ZNF407: variants seen among roughly 807,000 people sequenced by gnomAD.
ZNF407 encodes zinc finger protein 407.
A neutral mutation model predicts 131.2 loss-of-function variants in ZNF407; 17 were observed. That is an observed-to-expected ratio of 0.13 (90% CI 0.09 to 0.19). ZNF407 has a LOEUF of 0.19. Among genes scored for constraint, ZNF407 ranks in the 10% least tolerant of loss-of-function variants. ZNF407 has a pLI of 1.00. For synonymous variants in ZNF407, 1,156 were observed against 1,062.0 expected, an observed-to-expected ratio of 1.09 and a Z score of -1.72; for missense variants, 2,681 against 2,830.6, an observed-to-expected ratio of 0.95 and a Z score of 1.20.
At chr18:74,813,118 T>A (rs1213078161) in intron 4 of ZNF407, among the ~76,000 whole-genome samples, 1 of 152,204 alleles carries the variant, frequency 6.6e-6, no homozygotes, top group Non-Finnish European at 1.5e-5. Context: ...GATGGCCCTT[T>A]TCTCTGTTAG....
chr18:74,937,666 A>C (rs1461549569), intron 8 of ZNF407, among the ~76,000 whole-genome samples: 1 of 152,198 alleles, frequency 6.6e-6, no homozygotes, highest in Non-Finnish European at 1.5e-5. Flanking sequence ...GAATGAATTC[A>C]GTTTTATGTA....
chr18:74,728,983 C>CT (rs994960005), intron 3 of ZNF407, among the ~76,000 whole-genome samples: 2 of 152,260 alleles, frequency 1.3e-5, no homozygotes, highest in South Asian at 2.1e-4. Flanking sequence ...GCTGCTGTGA[C>CT]TTTTTTTCTC....
chr18:74,837,483 C>A (rs1202355491), intron 4 of ZNF407, among the ~76,000 whole-genome samples: 1 of 151,380 alleles, frequency 6.6e-6, no homozygotes, highest in African/African-American at 2.4e-5. Flanking sequence ...GTTATTGTTA[C>A]ATTAAAGCAA....
chr18:75,009,190 A>G (rs903249133), intron 8 of ZNF407, among the ~76,000 whole-genome samples: 4 of 152,158 alleles, frequency 2.6e-5, no homozygotes, highest in Non-Finnish European at 1.5e-5. Flanking sequence ...AAGTCTTTAA[A>G]CCAGCTTTTC....
At chr18:74,996,647 G>A (rs900368306) in intron 8 of ZNF407, among the ~76,000 whole-genome samples, 3 of 152,222 alleles carry the variant, frequency 2.0e-5, no homozygotes, top group Admixed American at 2.0e-4. Flanking sequence ...TGAAGAAAAT[G>A]TGAGGTTCCG....
At chr18:74,771,744 T>G (rs983042173) in intron 3 of ZNF407, among the ~76,000 whole-genome samples, 6 of 152,078 alleles carry the variant, frequency 3.9e-5, no homozygotes, top group Admixed American at 2.6e-4. Flanking sequence ...GATAACTGAT[T>G]GTGTGGTATT....
intron 3 of ZNF407, among the ~76,000 whole-genome samples, chr18:74,653,616 G>A (rs1985322632): frequency 6.6e-6 from 1 of 151,676 alleles, no homozygotes; most frequent in South Asian, 2.1e-4. Flanking sequence ...GTATCGATAT[G>A]CTTATATTTA....
At chr18:74,900,953 T>C (rs1194358932) in intron 7 of ZNF407, among the ~76,000 whole-genome samples, 1 of 152,174 alleles carries the variant, frequency 6.6e-6, no homozygotes, top group Non-Finnish European at 1.5e-5. Context: ...TGTAATTCTC[T>C]TGGAGTGTGT....
intron 1 of ZNF407, among the ~76,000 whole-genome samples, chr18:74,627,107 G>A (rs188843495): frequency 1.3e-5 from 2 of 152,306 alleles, no homozygotes; most frequent in South Asian, 2.1e-4. Flanking sequence ...GTCCTTTGGT[G>A]TCTGATGTCG....
intron 7 of ZNF407, among the ~76,000 whole-genome samples, chr18:74,904,735 G>A (rs1217623373): frequency 6.6e-6 from 1 of 152,172 alleles, no homozygotes; most frequent in Admixed American, 6.5e-5. Flanking sequence ...AGGAATGTGG[G>A]AAACATGAAA....
chr18:74,718,160 A>G (rs1967940541), intron 3 of ZNF407, among the ~76,000 whole-genome samples: 1 of 152,084 alleles, frequency 6.6e-6, no homozygotes. Context: ...AATACAGATA[A>G]AAGAACGTTC....
At chr18:74,640,867 T>C (rs1984681335) in intron 2 of ZNF407, 141 bp from the exon 3 acceptor site, 1 of 631,850 alleles carries the variant, frequency 1.6e-6, no homozygotes, top group African/African-American at 1.8e-5. Flanking sequence ...ATTCAAGTTA[T>C]AAATGAATGC....
At position 75,009,789 on chromosome 18, in the gene ZNF407, C is replaced by G. The variant is rs559316315; in HGVS notation, c.5429-53361C>G. Reference sequence around the variant, plus strand: ...TACAGAGCCTGGATTTGAACCTATTCAGGTTGATTCCAGAACCCAAGTCTT... The same window carrying G: ...TACAGAGCCTGGATTTGAACCTATTGAGGTTGATTCCAGAACCCAAGTCTT... On this transcript the variant is annotated intron_variant, in intron 8 of 8. Transcript: ENST00000299687. Among the ~76,000 whole-genome samples the G allele has an allele frequency of 7.2e-5, 11 of 152,284 alleles. No homozygotes were observed. The South Asian group carries it at 2.3e-3, about 32-fold the overall frequency.
At chr18:74,700,114 A>T (rs2144818951) in intron 3 of ZNF407, among the ~76,000 whole-genome samples, 1 of 152,334 alleles carries the variant, frequency 6.6e-6, no homozygotes, top group South Asian at 2.1e-4. Flanking sequence ...TTGGATAGTA[A>T]ACTATGTTTC....
intron 3 of ZNF407, among the ~76,000 whole-genome samples, chr18:74,753,518 G>A (rs1968855852): frequency 6.6e-6 from 1 of 152,114 alleles, no homozygotes. Flanking sequence ...CTTATTATTT[G>A]GGAGACGTCC....
chr18:74,838,706 G>GT (rs998898825), intron 4 of ZNF407, among the ~76,000 whole-genome samples: 1 of 152,070 alleles, frequency 6.6e-6, no homozygotes, highest in Non-Finnish European at 1.5e-5. Context: ...ATAAAGCATA[G>GT]TTTTTTCCAC....
At chr18:74,793,243 T>C (rs1418361666) in intron 4 of ZNF407, among the ~76,000 whole-genome samples, 1 of 152,168 alleles carries the variant, frequency 6.6e-6, no homozygotes, top group Non-Finnish European at 1.5e-5. Flanking sequence ...AGATAAATAA[T>C]AACAAATATT....
chr18:74,681,856 G>GC (rs1966991165), intron 3 of ZNF407, among the ~76,000 whole-genome samples: 1 of 151,922 alleles, frequency 6.6e-6, no homozygotes, highest in African/African-American at 2.4e-5. Context: ...TCATTTAATG[G>GC]CATTGTTAGT....
intron 8 of ZNF407, among the ~76,000 whole-genome samples, chr18:75,000,410 G>C (rs1321382248): frequency 4.6e-5 from 7 of 152,182 alleles, no homozygotes; most frequent in African/African-American, 1.7e-4. Context: ...ATGTTATTCA[G>C]CTGTCACAGT....
Sources: gnomAD v4.1 joint callset for allele counts (sites outside exome capture counted in the v4.1 genomes callset) on GRCh38, gnomAD v4.1.1 for gene constraint, MANE v1.5 for transcripts, NCBI Gene and HGNC (gene_info 2026-07-23, HGNC 2026-07-21) for gene names.